PRH1: variants seen among roughly 807,000 people sequenced by gnomAD.
The protein encoded by PRH1 is salivary acidic proline-rich phosphoprotein 1/2.
PRH1 carries 7 observed loss-of-function variants against 7.9 expected under a neutral mutation model. The observed-to-expected ratio is 0.89, with a 90% CI of 0.50 to 1.67. PRH1 has a LOEUF of 1.67. PRH1 is among the 40% of genes most tolerant of loss of function. The probability of loss-of-function intolerance (pLI) is 0.00; values close to 1 mark genes in which losing one functional copy is unlikely to be tolerated. For synonymous variants in PRH1, 45 were observed against 80.8 expected (o/e 0.56, Z 2.38); for missense variants, 109 against 223.6 (o/e 0.49, Z 3.27).
chr12:11,085,751 A>G lies in PRH1; in HGVS notation n.124-38563T>C, dbSNP rs935051963. ...AACCTGAATTCTCAATTCCAGGCATACAAATCAAGTCATATTCTTATTCAT... is the reference window on the plus strand; with the variant it reads ...AACCTGAATTCTCAATTCCAGGCATGCAAATCAAGTCATATTCTTATTCAT... On this transcript the variant is annotated intron_variant and non_coding_transcript_variant, in intron 1 of 4. Transcript: ENST00000541977. Among the ~76,000 whole-genome samples, 25 of 93,780 alleles carry G rather than the reference A, an allele frequency of 2.7e-4. 2 individuals are homozygous for G. Among genetic ancestry groups the G allele is most frequent in the Admixed American group, 4.4e-4 (4 of 9,132 alleles). The allele number at this position is 93,780 out of a possible 152,430, so 61.5% of individuals were successfully genotyped here. A position where few individuals can be genotyped will look rare whatever the true frequency, so the allele number is the denominator to read the frequency against.
chr12:11,159,413 CTGAT>C (rs1203829026), intron 1 of PRH1: 6 of 150,730 alleles, frequency 4.0e-5, no homozygotes, highest in African/African-American at 1.2e-4. Context: ...AGATACTTAA[CTGAT>C]TAATTAATGC....
chr12:11,120,032 T>C (rs896226965), downstream of PRH1, among the ~76,000 whole-genome samples: 2 of 152,222 alleles, frequency 1.3e-5, no homozygotes, highest in African/African-American at 2.4e-5. Flanking sequence ...CTTGAGAATT[T>C]TGCACATCTG....
chr12:11,167,066 C>T (rs1377916590), intron 1 of PRH1, among the ~76,000 whole-genome samples: 1 of 152,208 alleles, frequency 6.6e-6, no homozygotes, highest in Non-Finnish European at 1.5e-5. Flanking sequence ...CCAATAATCA[C>T]ATTTGCAAAA....
intron 1 of PRH1, among the ~76,000 whole-genome samples, chr12:11,095,582 A>G (rs1290350831): frequency 9.5e-6 from 1 of 105,644 alleles, no homozygotes; most frequent in Non-Finnish European, 2.2e-5. Flanking sequence ...CATAATCCCA[A>G]CATTTTGTAA....
At chr12:11,061,884 C>A in intron 1 of PRH1, 2 of 1,613,978 alleles carry the variant, frequency 1.2e-6, no homozygotes, top group Non-Finnish European at 1.7e-6. Flanking sequence ...CCAAAAATAG[C>A]AAAGGCCCCA....
At chr12:11,133,441 T>A (rs771658517) in intron 1 of PRH1, 1 of 1,614,030 alleles carries the variant, frequency 6.2e-7, no homozygotes, top group East Asian at 2.2e-5. Context: ...GATAGCTGAA[T>A]ATAATAGCTT....
chr12:11,131,027 G>C lies in PRH1; in HGVS notation n.40-9847C>G, dbSNP rs377376604. ...CAGATCATCCTTCCATTTGGGACTT[G>C]AATGCATCACCACACTGTGGGCATG... On this transcript the variant is annotated intron_variant and non_coding_transcript_variant, in intron 1 of 1. Coordinates refer to the PRH1 transcript ENST00000541175. Among the ~76,000 whole-genome samples, 128 of 152,358 alleles carry C rather than the reference G, an allele frequency of 8.4e-4. 2 individuals are homozygous for C. The South Asian group carries it at 0.026, about 31-fold the overall frequency.
intron 1 of PRH1, among the ~76,000 whole-genome samples, chr12:11,161,972 A>G (rs1947432329): frequency 6.6e-6 from 1 of 152,236 alleles, no homozygotes; most frequent in Non-Finnish European, 1.5e-5. Flanking sequence ...GTTGCTGAGG[A>G]TATTGCATTT....
At chr12:11,103,889 T>C (rs1945330436) in intron 1 of PRH1, among the ~76,000 whole-genome samples, 1 of 152,114 alleles carries the variant, frequency 6.6e-6, no homozygotes, top group African/African-American at 2.4e-5. Context: ...TGTTAAGTCA[T>C]TGTGAGGTGC....
chr12:11,122,091 CAT>C (rs1011172269), intron 1 of PRH1, among the ~76,000 whole-genome samples: 5 of 152,000 alleles, frequency 3.3e-5, no homozygotes, highest in Non-Finnish European at 5.9e-5. Context: ...CATATACACA[CAT>C]ATATATATGC....
rs1488134850 is a variant in PRH1 at position 11,086,739 on chromosome 12, C to A, written n.124-39551G>T. Among the ~76,000 whole-genome samples the A allele has an allele frequency of 2.6e-5, 3 of 115,564 alleles. 1 individual carries two copies. The Admixed American group carries it at 2.6e-4, about 10-fold the overall frequency. The allele number at this position is 115,564 out of a possible 152,430, so 75.8% of individuals were successfully genotyped here. On this transcript the variant is annotated intron_variant and non_coding_transcript_variant, in intron 1 of 4. Transcript: ENST00000541977. The stretch of plus-strand genomic sequence containing the variant: ...AACCAGCATGGCCAACACGGTGAAA[C>A]CCTGTCTCCACTAAAAATACAAAAA...
chr12:11,068,943 T>G (rs1943942085), intron 1 of PRH1, among the ~76,000 whole-genome samples: 1 of 150,714 alleles, frequency 6.6e-6, no homozygotes. Context: ...GGTCTCACTC[T>G]GTAGCCCCAA....
intron 1 of PRH1, among the ~76,000 whole-genome samples, chr12:11,145,021 T>C (rs944289881): frequency 2.6e-5 from 4 of 152,212 alleles, no homozygotes; most frequent in African/African-American, 9.7e-5. Flanking sequence ...GGTTTGTTCT[T>C]GCAGTGGATT....
At chr12:11,119,844 G>A (rs1338296186), downstream of PRH1, among the ~76,000 whole-genome samples, 1 of 152,104 alleles carries the variant, frequency 6.6e-6, no homozygotes, top group Non-Finnish European at 1.5e-5. Context: ...AGTTAAGATG[G>A]AATACTGAAA....
chr12:10,913,979 T>A (rs887910880), intron 2 of PRH1, among the ~76,000 whole-genome samples: 1 of 152,224 alleles, frequency 6.6e-6, no homozygotes, highest in Admixed American at 6.5e-5. Flanking sequence ...CTAAGCTATC[T>A]TGGCAAGTAT....
upstream of PRH1, among the ~76,000 whole-genome samples, chr12:11,050,598 T>C (rs921889268): frequency 6.6e-6 from 1 of 152,258 alleles, no homozygotes; most frequent in Non-Finnish European, 1.5e-5. Flanking sequence ...AGGCCTTTGG[T>C]AAATTTATTC....
intron 2 of PRH1, among the ~76,000 whole-genome samples, chr12:10,922,208 T>G (rs1174411210): frequency 6.6e-6 from 1 of 152,250 alleles, no homozygotes; most frequent in Admixed American, 6.5e-5. Flanking sequence ...CTTCTTAACT[T>G]ATTCACCCTT....
chr12:10,917,904 A>G (rs1011822816), intron 2 of PRH1, among the ~76,000 whole-genome samples: 5 of 152,108 alleles, frequency 3.3e-5, no homozygotes, highest in African/African-American at 1.2e-4. Flanking sequence ...TTCCCCTTTG[A>G]CCTTCTGCCA....
intron 1 of PRH1, among the ~76,000 whole-genome samples, chr12:11,070,256 A>G (rs1206461006): frequency 3.9e-5 from 6 of 152,188 alleles, no homozygotes; most frequent in African/African-American, 1.4e-4. Flanking sequence ...TAAGAGAGAA[A>G]ATGGTGGAAT....
Sources: allele counts gnomAD v4.1 joint callset (sites outside exome capture counted in the v4.1 genomes callset), GRCh38; gene constraint gnomAD v4.1.1; transcripts MANE v1.5; gene names NCBI Gene and HGNC (gene_info 2026-07-23, HGNC 2026-07-21).